The following PTPRD variants were observed in gnomAD, a reference collection of about 807,000 sequenced individuals.
PTPRD encodes the protein receptor-type tyrosine-protein phosphatase delta.
In PTPRD, 34 loss-of-function variants were observed where a neutral mutation model predicts 214.5. The observed-to-expected ratio is 0.16, with a 90% CI of 0.12 to 0.21. PTPRD has a LOEUF of 0.21. PTPRD is among the 10% of genes least tolerant of loss of function. The probability of loss-of-function intolerance (pLI) is 1.00; values close to 1 mark genes in which losing one functional copy is unlikely to be tolerated. For missense variants in PTPRD, 2,545 were observed against 2,398.7 expected (o/e 1.06, Z -1.27); for synonymous variants, 1,128 against 845.7 (o/e 1.33, Z -5.79).
At chr9:8,559,468 T>A (rs943038054) in intron 14 of PTPRD, among the ~76,000 whole-genome samples, 3 of 152,258 alleles carry the variant, frequency 2.0e-5, no homozygotes, top group African/African-American at 7.2e-5. Flanking sequence ...AACCTGCTCT[T>A]GGGCTAGGTT....
chr9:8,534,545 G>C (rs922250759), intron 14 of PTPRD, among the ~76,000 whole-genome samples: 2 of 151,766 alleles, frequency 1.3e-5, no homozygotes, highest in African/African-American at 2.4e-5. Flanking sequence ...GACTGAGTGA[G>C]AAAAGTTTTC....
intron 7 of PTPRD, among the ~76,000 whole-genome samples, chr9:9,719,919 T>C (rs1367152861): frequency 6.6e-6 from 1 of 152,196 alleles, no homozygotes. Flanking sequence ...CTGCCAGCGC[T>C]GCTCAAGTAG....
intron 8 of PTPRD, among the ~76,000 whole-genome samples, chr9:9,511,654 C>T (rs989757540): frequency 6.6e-6 from 1 of 151,682 alleles, no homozygotes; most frequent in African/African-American, 2.4e-5. Context: ...CTTGAGTTCT[C>T]ATAAAAATAT....
At chr9:9,496,284 A>C (rs1472014916) in intron 8 of PTPRD, among the ~76,000 whole-genome samples, 2 of 152,218 alleles carry the variant, frequency 1.3e-5, no homozygotes, top group Admixed American at 6.5e-5. Flanking sequence ...ACAGAGTAAA[A>C]AGACAAACCA....
At chr9:9,498,940 T>C (rs1333507877) in intron 8 of PTPRD, among the ~76,000 whole-genome samples, 1 of 148,790 alleles carries the variant, frequency 6.7e-6, no homozygotes, top group Admixed American at 6.7e-5. Context: ...TTATTTTTTC[T>C]CTCTCTGTCT....
At chr9:9,966,477 A>G (rs1196687208) in intron 4 of PTPRD, among the ~76,000 whole-genome samples, 1 of 152,162 alleles carries the variant, frequency 6.6e-6, no homozygotes, top group Non-Finnish European at 1.5e-5. Flanking sequence ...TGTAGAGCTA[A>G]GGGGTTTCAA....
At chr9:8,531,545 A>G (rs1224913083) in intron 14 of PTPRD, among the ~76,000 whole-genome samples, 2 of 152,068 alleles carry the variant, frequency 1.3e-5, no homozygotes, top group Non-Finnish European at 2.9e-5. Context: ...TTTCTGAAAA[A>G]GCTCTTAGAT....
At chr9:9,573,877 C>A (rs2087438787) in intron 8 of PTPRD, among the ~76,000 whole-genome samples, 1 of 151,752 alleles carries the variant, frequency 6.6e-6, no homozygotes, top group Non-Finnish European at 1.5e-5. Context: ...CATTTTAAAA[C>A]ATCTTTTTCA....
At chr9:10,410,953 T>G (rs567694011) in intron 2 of PTPRD, among the ~76,000 whole-genome samples, 1 of 151,928 alleles carries the variant, frequency 6.6e-6, no homozygotes, top group Non-Finnish European at 1.5e-5. Flanking sequence ...ATCAGTTCCT[T>G]ATCAATAATA....
intron 5 of PTPRD, among the ~76,000 whole-genome samples, chr9:9,932,927 A>C (rs932237995): frequency 9.8e-5 from 14 of 143,140 alleles, no homozygotes; most frequent in African/African-American, 3.2e-4. Context: ...AATATTCAAC[A>C]TTCTTAAAGA....
At chr9:10,006,048 G>T (rs981686761) in intron 4 of PTPRD, among the ~76,000 whole-genome samples, 1 of 151,962 alleles carries the variant, frequency 6.6e-6, no homozygotes, top group African/African-American at 2.4e-5. Context: ...GCAAATATAT[G>T]ATGGTATTAT....
chr9:9,855,388 C>T (rs1024844430), intron 5 of PTPRD, among the ~76,000 whole-genome samples: 2 of 152,248 alleles, frequency 1.3e-5, no homozygotes, highest in South Asian at 2.1e-4. Flanking sequence ...TCTAAAATAG[C>T]AGAGGCTCTC....
intron 2 of PTPRD, among the ~76,000 whole-genome samples, chr9:10,561,122 A>G (rs982932086): frequency 1.3e-5 from 2 of 152,124 alleles, no homozygotes; most frequent in African/African-American, 2.4e-5. Flanking sequence ...GTAGCATTGT[A>G]TTTTAGATGG....
chr9:10,026,740 T>C (rs1160470525), intron 4 of PTPRD, among the ~76,000 whole-genome samples: 2 of 152,174 alleles, frequency 1.3e-5, no homozygotes, highest in Non-Finnish European at 2.9e-5. Context: ...GTATCATGAC[T>C]TTGACACAAC....
intron 2 of PTPRD, among the ~76,000 whole-genome samples, chr9:10,361,223 A>G (rs2154470108): frequency 6.6e-6 from 1 of 152,338 alleles, no homozygotes; most frequent in Non-Finnish European, 1.5e-5. Flanking sequence ...GCTTAACAGA[A>G]GACAGGTAGA....
chr9:9,357,857 CT>C (rs1254370192), intron 9 of PTPRD, among the ~76,000 whole-genome samples: 2 of 150,632 alleles, frequency 1.3e-5, no homozygotes, highest in Admixed American at 6.6e-5. Context: ...TATGTCTTTC[CT>C]TTTTTTTCCC....
intron 10 of PTPRD, among the ~76,000 whole-genome samples, chr9:9,179,660 TAC>T (rs2099926989): frequency 6.6e-6 from 1 of 152,222 alleles, no homozygotes; most frequent in East Asian, 1.9e-4. Context: ...TTAAAAAGTT[TAC>T]AGTCATAGAC....
intron 7 of PTPRD, among the ~76,000 whole-genome samples, chr9:9,726,773 C>G (rs1427781990): frequency 6.6e-6 from 1 of 152,082 alleles, no homozygotes; most frequent in Non-Finnish European, 1.5e-5. Flanking sequence ...GAATGATACA[C>G]AGGCTCAGGC....
chr9:8,494,014 AC>A (rs1406227906), intron 26 of PTPRD, among the ~76,000 whole-genome samples: 10 of 149,950 alleles, frequency 6.7e-5, no homozygotes, highest in African/African-American at 2.5e-4. Flanking sequence ...ACAGACACAC[AC>A]ACACACACAC....
Sources: gnomAD v4.1 joint callset for allele counts (sites outside exome capture counted in the v4.1 genomes callset) on GRCh38, gnomAD v4.1.1 for gene constraint, MANE v1.5 for transcripts, NCBI Gene and HGNC (gene_info 2026-07-23, HGNC 2026-07-21) for gene names.